The following LINGO2 variants were observed in gnomAD, a reference collection of about 807,000 sequenced individuals.
LINGO2 encodes the protein leucine-rich repeat and immunoglobulin-like domain-containing nogo receptor-interacting protein 2.
A neutral mutation model predicts 30.6 loss-of-function variants in LINGO2; 14 were observed. That is an observed-to-expected ratio of 0.46 (90% CI 0.30 to 0.72). LINGO2 has a LOEUF of 0.72. Among genes scored for constraint, LINGO2 ranks in the 30% least tolerant of loss-of-function variants. The pLI, the probability that LINGO2 is intolerant of heterozygous loss-of-function variation, is 0.07. For missense variants in LINGO2, 729 were observed against 751.7 expected, an observed-to-expected ratio of 0.97 and a Z score of 0.35; for synonymous variants, 317 against 288.5, an observed-to-expected ratio of 1.10 and a Z score of -1.00.
the LINGO2 span, among the ~76,000 whole-genome samples, chr9:28,936,126 CATT>C: frequency 2.0e-5 from 3 of 152,098 alleles, no homozygotes; most frequent in Non-Finnish European, 4.4e-5. Context: ...TTTTCACAAT[CATT>C]ATCTATTATT....
At chr9:28,887,505 TA>T in the LINGO2 span, among the ~76,000 whole-genome samples, 36 of 151,286 alleles carry the variant, frequency 2.4e-4, no homozygotes, top group East Asian at 6.6e-3. Context: ...TTGCTTTTAT[TA>T]AAAAAAAAGA....
chr9:28,546,039 A>G (rs1821921410), intron 1 of LINGO2, among the ~76,000 whole-genome samples: 1 of 152,118 alleles, frequency 6.6e-6, no homozygotes, highest in African/African-American at 2.4e-5. Context: ...CATAAGGCAC[A>G]GAAAGACAAA....
At chr9:29,084,308 A>G in the LINGO2 span, among the ~76,000 whole-genome samples, 1 of 152,114 alleles carries the variant, frequency 6.6e-6, no homozygotes, top group African/African-American at 2.4e-5. Flanking sequence ...AAAAAGAGTA[A>G]GGATATTTTG....
At chr9:29,080,533 G>A in the LINGO2 span, among the ~76,000 whole-genome samples, 1 of 152,034 alleles carries the variant, frequency 6.6e-6, no homozygotes, top group Non-Finnish European at 1.5e-5. Context: ...CAATTGTGAT[G>A]TTAGCGTGTC....
chr9:28,405,923 G>A (rs1161207666), intron 2 of LINGO2, among the ~76,000 whole-genome samples: 6 of 152,038 alleles, frequency 3.9e-5, no homozygotes, highest in Admixed American at 2.0e-4. Flanking sequence ...TTCAACCAAA[G>A]AGCATTTATT....
At chr9:28,111,275 T>C (rs920193043) in intron 4 of LINGO2, among the ~76,000 whole-genome samples, 12 of 151,926 alleles carry the variant, frequency 7.9e-5, no homozygotes, top group African/African-American at 2.4e-4. Context: ...TTAGGAGAAA[T>C]ACCTAACACA....
chr9:28,861,780 C>G, the LINGO2 span, among the ~76,000 whole-genome samples: 3 of 151,560 alleles, frequency 2.0e-5, no homozygotes, highest in Admixed American at 6.6e-5. Context: ...AAACACAAAA[C>G]CTACACTAAA....
chr9:29,180,074 A>G, the LINGO2 span, among the ~76,000 whole-genome samples: 1 of 152,252 alleles, frequency 6.6e-6, no homozygotes, highest in African/African-American at 2.4e-5. Flanking sequence ...AGGCAGCAGT[A>G]AAGAACAGAA....
At chr9:28,498,322 G>C (rs971153605) in intron 1 of LINGO2, among the ~76,000 whole-genome samples, 1 of 152,136 alleles carries the variant, frequency 6.6e-6, no homozygotes, top group Non-Finnish European at 1.5e-5. Flanking sequence ...CGAGCTTCCT[G>C]GCCACTTTGT....
chr9:28,489,820 C>G (rs1261816687), intron 1 of LINGO2, among the ~76,000 whole-genome samples: 1 of 147,300 alleles, frequency 6.8e-6, no homozygotes, highest in East Asian at 2.0e-4. Context: ...ATCACTTGAA[C>G]CAGGGAGTCA....
At chr9:28,282,100 G>C (rs540521917) in intron 4 of LINGO2, among the ~76,000 whole-genome samples, 22 of 152,226 alleles carry the variant, frequency 1.4e-4, no homozygotes, top group African/African-American at 5.3e-4. Flanking sequence ...GGTGGAATTT[G>C]ATTAGACTTG....
At chr9:28,019,715 G>C (rs941115176) in intron 4 of LINGO2, among the ~76,000 whole-genome samples, 1 of 151,582 alleles carries the variant, frequency 6.6e-6, no homozygotes, top group African/African-American at 2.4e-5. Flanking sequence ...TTTTCATTAG[G>C]GATGCAAAAG....
chr9:28,685,380 A>G, the LINGO2 span, among the ~76,000 whole-genome samples: 154 of 152,286 alleles, frequency 1.0e-3, no homozygotes, highest in African/African-American at 3.3e-3. Context: ...ACAGTAGTTG[A>G]CAGCTGTATT....
the LINGO2 span, among the ~76,000 whole-genome samples, chr9:28,800,699 C>G: frequency 6.6e-6 from 1 of 152,012 alleles, no homozygotes; most frequent in Non-Finnish European, 1.5e-5. Context: ...GACTGTAGCT[C>G]ATCTCTTATT....
intron 4 of LINGO2, among the ~76,000 whole-genome samples, chr9:28,221,935 C>T (rs1820980400): frequency 6.6e-6 from 1 of 152,018 alleles, no homozygotes; most frequent in African/African-American, 2.4e-5. Flanking sequence ...CTGAATATTC[C>T]AGTCTAAATC....
At chr9:28,521,198 G>A (rs1159094307) in intron 1 of LINGO2, among the ~76,000 whole-genome samples, 2 of 152,068 alleles carry the variant, frequency 1.3e-5, no homozygotes, top group African/African-American at 4.8e-5. Flanking sequence ...AACCGTGTGG[G>A]ATATTCAAAG....
At chr9:28,591,341 G>A (rs1008240330) in intron 1 of LINGO2, among the ~76,000 whole-genome samples, 8 of 151,844 alleles carry the variant, frequency 5.3e-5, no homozygotes, top group Non-Finnish European at 8.8e-5. Context: ...CACTGATTGG[G>A]AGATTCCTGT....
the LINGO2 span, among the ~76,000 whole-genome samples, chr9:29,020,928 A>G: frequency 6.6e-6 from 1 of 152,188 alleles, no homozygotes; most frequent in Non-Finnish European, 1.5e-5. Context: ...TTATTAATTT[A>G]GTTTTATTCA....
intron 4 of LINGO2, among the ~76,000 whole-genome samples, chr9:28,144,686 G>A (rs910502770): frequency 6.6e-6 from 1 of 152,312 alleles, no homozygotes; most frequent in South Asian, 2.1e-4. Flanking sequence ...TGGGGACAGA[G>A]TTAGAGGAGG....
Sources: gnomAD v4.1 joint callset for allele counts (sites outside exome capture counted in the v4.1 genomes callset) on GRCh38, gnomAD v4.1.1 for gene constraint, MANE v1.5 for transcripts, NCBI Gene and HGNC (gene_info 2026-07-23, HGNC 2026-07-21) for gene names.